Variants in COL22A1 observed in about 807,000 individuals in gnomAD.
COL22A1 encodes the protein collagen alpha-1(XXII) chain.
A neutral mutation model predicts 248.9 loss-of-function variants in COL22A1; 221 were observed. That is an observed-to-expected ratio of 0.89 (90% CI 0.80 to 0.99). The LOEUF (loss-of-function observed/expected upper bound fraction) is 0.99, where lower values mean the gene tolerates loss of function less well. Among genes scored for constraint, COL22A1 ranks in the 50% least tolerant of loss-of-function variants. The pLI, the probability that COL22A1 is intolerant of heterozygous loss-of-function variation, is 0.00. For missense variants in COL22A1, 2,240 were observed against 2,179.0 expected, an observed-to-expected ratio of 1.03 and a Z score of -0.56; for synonymous variants, 891 against 793.4, an observed-to-expected ratio of 1.12 and a Z score of -2.07.
Position 138,604,774 on chromosome 8 carries a change from A to G in COL22A1, c.4105-5T>C. 6.2e-7 allele frequency: 1 copy of G among 1,611,410 alleles called. No individual in the cohort carries two copies. The highest frequency in any genetic ancestry group is 8.5e-7 in the Non-Finnish European group (1 of 1,178,520). On this transcript the variant is annotated splice_polypyrimidine_tract_variant and splice_region_variant and intron_variant, in intron 58 of 64. Coordinates refer to ENST00000303045, the MANE Select transcript of COL22A1 (RefSeq NM_152888.3). Reference sequence around the variant, plus strand: ...TCCTTTCTCTCCTGGTTCTCCCTGGAAAACAGAACAGAATATCAGTGGCTC... The same window carrying G: ...TCCTTTCTCTCCTGGTTCTCCCTGGGAAACAGAACAGAATATCAGTGGCTC...
In COL22A1 at chr8:138,878,123, A is replaced by C. The variant is rs375053741; in HGVS notation, c.285T>G (p.Phe95Leu). The part of the protein sequence containing the change: ...RPTTAFELGL[F>L]GSQEEVKAAA... Reference sequence around the variant, plus strand: ...CCGCCTTGACCTCCTCCTGCGAGCCAAAGAGTCCCAACTCGAAGGCCGTGG... The same window carrying C: ...CCGCCTTGACCTCCTCCTGCGAGCCCAAGAGTCCCAACTCGAAGGCCGTGG... Residue 95 changes from phenylalanine to leucine, a missense_variant, in exon 3 of 65, where the codon TTT (phenylalanine) becomes TTG (leucine). By Grantham distance (22) the Phe-to-Leu change is conservative. Coordinates refer to ENST00000303045, the MANE Select transcript of COL22A1 (RefSeq NM_152888.3). 23 of 1,605,526 alleles carry C rather than the reference A, an allele frequency of 1.4e-5. No individual in the cohort carries two copies. Among genetic ancestry groups the C allele is most frequent in the Non-Finnish European group, 1.9e-5 (22 of 1,176,840 alleles).
chr8:138,772,423 A>G (rs1337771745), intron 16 of COL22A1, among the ~76,000 whole-genome samples: 1 of 152,214 alleles, frequency 6.6e-6, no homozygotes, highest in East Asian at 1.9e-4. Context: ...GCAGCACAGA[A>G]GGAGAGGCTC....
chr8:138,878,040 T>C lies in COL22A1; in HGVS notation c.368A>G (p.Tyr123Cys). ...TGGGGAGAAGCTGCGGGCCGTGATG[T>C]AGCGGAGCGCGTCTCCCGTGTTGGT... ...GNTNTGDALR[Y>C]ITARSFSPHA... Residue 123 changes from tyrosine to cysteine, a missense_variant, in exon 3 of 65, where the codon TAC (tyrosine) becomes TGC (cysteine). Transcript: ENST00000303045. 1 of 1,592,524 alleles carries C rather than the reference T, an allele frequency of 6.3e-7. No homozygotes were observed. Among genetic ancestry groups the C allele is most frequent in the South Asian group, 1.1e-5 (1 of 87,888 alleles).
chr8:138,830,491 G>C (rs909975620), intron 5 of COL22A1, among the ~76,000 whole-genome samples: 1 of 152,188 alleles, frequency 6.6e-6, no homozygotes, highest in African/African-American at 2.4e-5. Flanking sequence ...AAATGAAAGA[G>C]CTTTGCCAAT....
chr8:138,799,866 T>A (rs963581817), intron 11 of COL22A1, among the ~76,000 whole-genome samples: 1 of 152,196 alleles, frequency 6.6e-6, no homozygotes, highest in Non-Finnish European at 1.5e-5. Flanking sequence ...TTCTTAGTGG[T>A]GTTTTCCCCC....
At chr8:138,845,306 C>T (rs879887475) in intron 3 of COL22A1, among the ~76,000 whole-genome samples, 8 of 151,934 alleles carry the variant, frequency 5.3e-5, no homozygotes, top group South Asian at 4.2e-4. Context: ...GTCAGGAGTT[C>T]GAGACCAGCC....
At chr8:138,651,209 T>C (rs984680335) in intron 45 of COL22A1, among the ~76,000 whole-genome samples, 3 of 152,146 alleles carry the variant, frequency 2.0e-5, no homozygotes, top group Non-Finnish European at 4.4e-5. Flanking sequence ...CTCTTCCTGC[T>C]CCCAGAAATC....
chr8:138,608,457 TA>T (rs1818592798), intron 56 of COL22A1, among the ~76,000 whole-genome samples: 1 of 152,158 alleles, frequency 6.6e-6, no homozygotes, highest in Non-Finnish European at 1.5e-5. Context: ...GAGATCATTA[TA>T]CTCTCATTTA....
At chr8:138,889,844 C>T (rs1267032233) in intron 1 of COL22A1, among the ~76,000 whole-genome samples, 1 of 152,196 alleles carries the variant, frequency 6.6e-6, no homozygotes, top group Non-Finnish European at 1.5e-5. Context: ...TAATTTCCCT[C>T]ATTGCAGAAA....
At chr8:138,876,616 T>C (rs1031870198) in intron 3 of COL22A1, among the ~76,000 whole-genome samples, 1 of 152,132 alleles carries the variant, frequency 6.6e-6, no homozygotes, top group Non-Finnish European at 1.5e-5. Context: ...CCACCCCAGT[T>C]TCAGAAATGG....
chr8:138,772,341 G>A lies in COL22A1; in HGVS notation c.1803+3625C>T, dbSNP rs537234404. Among the ~76,000 whole-genome samples, 60 of 152,294 alleles carry A rather than the reference G, an allele frequency of 3.9e-4. 1 individual carries two copies. The highest frequency in any genetic ancestry group is 1.2e-3 in the African/African-American group (49 of 41,578). On this transcript the variant is annotated intron_variant, in intron 16 of 64. Transcript: ENST00000303045. ...AGAGTCTACATATGTGTGTGGGGGT[G>A]GGTGGCTGAAAGGCAAACAAATGCC...
intron 53 of COL22A1, among the ~76,000 whole-genome samples, chr8:138,618,801 A>T (rs987818035): frequency 2.6e-5 from 4 of 152,208 alleles, no homozygotes; most frequent in African/African-American, 9.6e-5. Flanking sequence ...AATTATGAAG[A>T]GGTGAAACAT....
chr8:138,805,906 GTGA>G, intron 10 of COL22A1, among the ~76,000 whole-genome samples: 1 of 148,898 alleles, frequency 6.7e-6, no homozygotes, highest in South Asian at 2.2e-4. Context: ...TGGTGTAGGT[GTGA>G]TGGTGTAGGT....
chr8:138,655,092 G>A (rs555870862), intron 45 of COL22A1, among the ~76,000 whole-genome samples: 185 of 152,288 alleles, frequency 1.2e-3, no homozygotes, highest in African/African-American at 4.2e-3. Context: ...TTCTTAGGAT[G>A]TCCTATTCTA....
chr8:138,856,804 C>T (rs1052967970), intron 3 of COL22A1, among the ~76,000 whole-genome samples: 3 of 152,150 alleles, frequency 2.0e-5, no homozygotes, highest in Non-Finnish European at 2.9e-5. Flanking sequence ...TTCCTGCCAG[C>T]GCCTTCTAGG....
intron 31 of COL22A1, among the ~76,000 whole-genome samples, chr8:138,702,354 G>T (rs1344185280): frequency 1.3e-5 from 2 of 152,180 alleles, no homozygotes; most frequent in South Asian, 2.1e-4. Flanking sequence ...GATGAGCATT[G>T]CTGGGGAGGA....
At chr8:138,860,073 C>T (rs568754383) in intron 3 of COL22A1, among the ~76,000 whole-genome samples, 1 of 152,298 alleles carries the variant, frequency 6.6e-6, no homozygotes, top group Non-Finnish European at 1.5e-5. Context: ...CCCCTTCACC[C>T]ACCCCACCTC....
At chr8:138,630,637 G>T in intron 50 of COL22A1, 58 bp downstream of exon 50, 1 of 1,484,888 alleles carries the variant, frequency 6.7e-7, no homozygotes, top group Non-Finnish European at 9.4e-7. Context: ...CAAACACCTG[G>T]GGTTCCAGAA....
At chr8:138,592,597 C>T (rs1468046083) in intron 63 of COL22A1, among the ~76,000 whole-genome samples, 1 of 151,984 alleles carries the variant, frequency 6.6e-6, no homozygotes, top group Non-Finnish European at 1.5e-5. Context: ...AATGGATAAG[C>T]AAATTAAGAA....
Sources: gnomAD v4.1 joint callset for allele counts (sites outside exome capture counted in the v4.1 genomes callset) on GRCh38, gnomAD v4.1.1 for gene constraint, MANE v1.5 for transcripts, NCBI Gene and HGNC (gene_info 2026-07-23, HGNC 2026-07-21) for gene names.